Variants in GPC6 observed in about 807,000 individuals in gnomAD.
GPC6 encodes the protein glypican 6.
A neutral mutation model predicts 55.2 loss-of-function variants in GPC6; 14 were observed. That is an observed-to-expected ratio of 0.25 (90% CI 0.17 to 0.40). The LOEUF (loss-of-function observed/expected upper bound fraction) is 0.40. Among genes scored for constraint, GPC6 ranks in the 10% least tolerant of loss-of-function variants. The pLI is 1.00. For synonymous variants in GPC6, 278 were observed against 259.6 expected (o/e 1.07, Z -0.68); for missense variants, 641 against 708.5 (o/e 0.90, Z 1.08).
intron 4 of GPC6, among the ~76,000 whole-genome samples, chr13:94,096,318 G>A (rs1049613724): frequency 5.5e-5 from 8 of 146,222 alleles, no homozygotes; most frequent in East Asian, 1.9e-4. Flanking sequence ...GTTTCAGGAC[G>A]CTTTTTTTTT....
chr13:93,471,016 C>A (rs1879091159), intron 1 of GPC6, among the ~76,000 whole-genome samples: 1 of 152,042 alleles, frequency 6.6e-6, no homozygotes, highest in Non-Finnish European at 1.5e-5. Flanking sequence ...TAATCTGTGT[C>A]TCCTAAAGGT....
intron 3 of GPC6, among the ~76,000 whole-genome samples, chr13:93,880,733 A>G (rs940626204): frequency 1.3e-5 from 2 of 152,072 alleles, no homozygotes; most frequent in East Asian, 3.9e-4. Flanking sequence ...AAAATAAAAA[A>G]TCATCGAACC....
chr13:93,487,751 C>T (rs973574730), intron 1 of GPC6, among the ~76,000 whole-genome samples: 4 of 152,040 alleles, frequency 2.6e-5, no homozygotes, highest in Admixed American at 2.0e-4. Context: ...GAAGCAGTAA[C>T]GTGAAATCCG....
intron 1 of GPC6, among the ~76,000 whole-genome samples, chr13:93,450,387 C>T (rs1878179821): frequency 6.6e-6 from 1 of 152,200 alleles, no homozygotes; most frequent in African/African-American, 2.4e-5. Flanking sequence ...TCTGTAATCC[C>T]AAAGTGCTTT....
In GPC6 at chr13:94,250,333, A is replaced by C. The variant is rs1197841744; in HGVS notation, c.878-36016A>C. ...AAGAGATCAAATACAGTTGTGGAAA[A>C]GGCCTTAATAGAAGGTCTGTGTAGT... On this transcript the variant is annotated intron_variant, in intron 4 of 8. Coordinates refer to ENST00000377047, the MANE Select transcript of GPC6 (RefSeq NM_005708.5). Among the ~76,000 whole-genome samples, 4 of 152,138 alleles carry C rather than the reference A, an allele frequency of 2.6e-5. No homozygotes were observed. In the South Asian group the frequency reaches 6.2e-4, roughly 24 times the overall value.
chr13:93,766,795 G>A (rs2138886029), intron 2 of GPC6, among the ~76,000 whole-genome samples: 1 of 152,044 alleles, frequency 6.6e-6, no homozygotes, highest in Admixed American at 6.6e-5. Flanking sequence ...CATGTGACTG[G>A]CTTCATTCTC....
At chr13:94,346,526 G>T (rs1458969989) in intron 6 of GPC6, among the ~76,000 whole-genome samples, 1 of 152,018 alleles carries the variant, frequency 6.6e-6, no homozygotes, top group Non-Finnish European at 1.5e-5. Flanking sequence ...TTTGAGACCA[G>T]CCTGGCCAAC....
At chr13:94,305,890 G>A in intron 5 of GPC6, 90 bp from the exon 6 acceptor site, 1 of 1,199,526 alleles carries the variant, frequency 8.3e-7, no homozygotes, top group Non-Finnish European at 1.2e-6. Context: ...CATAAGAAAT[G>A]TGGACACCAT....
rs1412397078 is a variant in GPC6 at position 93,854,242 on chromosome 13, C to A, written c.711+23697C>A. Among the ~76,000 whole-genome samples, 4 of 151,614 alleles carry A rather than the reference C, an allele frequency of 2.6e-5. No homozygotes were observed. In the South Asian group the frequency reaches 8.3e-4, roughly 31 times the overall value. Reference sequence around the variant, plus strand: ...AACACTGAGTGAGCAGTTTGGGGAACAGCAATAATCTTTTTTCCTTCATCC... The same window carrying A: ...AACACTGAGTGAGCAGTTTGGGGAAAAGCAATAATCTTTTTTCCTTCATCC... On this transcript the variant is annotated intron_variant, in intron 3 of 8. Coordinates refer to ENST00000377047, the MANE Select transcript of GPC6 (RefSeq NM_005708.5).
rs1235240788 is a variant in GPC6, at chr13:93,545,320, A to G, written c.218A>G (p.Asp73Gly). Residue 73 changes from aspartate to glycine, a missense_variant, in exon 2 of 9, where the codon GAC becomes GGC. Asp to Gly is a moderately conservative substitution (Grantham distance 94). Coordinates refer to ENST00000377047, the MANE Select transcript of GPC6 (RefSeq NM_005708.5). ...EYTCCTTEME[D>G]KLSQQSKLEF... is the part of the protein sequence containing the mutation. ...ACATGCTGCACCACAGAAATGGAAGACAAGTTAAGCCAACAAAGCAAACTC... is the reference window on the plus strand; with the variant it reads ...ACATGCTGCACCACAGAAATGGAAGGCAAGTTAAGCCAACAAAGCAAACTC... 1.2e-6 allele frequency: 2 copies of G among 1,613,632 alleles called. No individual in the cohort carries two copies. The highest frequency in any genetic ancestry group is 1.7e-5 in the Admixed American group (1 of 60,004).
Position 94,403,831 on chromosome 13 carries a change from C to T in GPC6, c.*614C>T, listed in dbSNP as rs1333792389. ...CATCTTGCACTCTAACCAAACAACACCAAATTAATCTGGAGGTACTGATAC... is the reference window on the plus strand; with the variant it reads ...CATCTTGCACTCTAACCAAACAACATCAAATTAATCTGGAGGTACTGATAC... On this transcript the variant is annotated 3_prime_UTR_variant, in exon 9 of 9. Coordinates refer to ENST00000377047, the MANE Select transcript of GPC6 (RefSeq NM_005708.5). The T allele has an allele frequency of 1.2e-5, 2 of 160,618 alleles. No homozygotes were observed. The highest frequency in any genetic ancestry group is 5.8e-5 in the Admixed American group (1 of 17,178). 9.9% of individuals were successfully genotyped at this position (160,618 alleles called of 1,614,324 possible).
intron 1 of GPC6, among the ~76,000 whole-genome samples, chr13:93,453,708 G>A (rs973388281): frequency 1.3e-5 from 2 of 151,502 alleles, no homozygotes; most frequent in African/African-American, 4.9e-5. Flanking sequence ...AAGGCAGTGC[G>A]TCTGGAGTTG....
chr13:93,287,300 G>T (rs1250989106), intron 1 of GPC6, among the ~76,000 whole-genome samples: 1 of 152,178 alleles, frequency 6.6e-6, no homozygotes, highest in African/African-American at 2.4e-5. Flanking sequence ...AATGAGAACA[G>T]AGGATTCCAT....
At chr13:94,030,779 C>G (rs1166921957) in intron 4 of GPC6, among the ~76,000 whole-genome samples, 4 of 152,130 alleles carry the variant, frequency 2.6e-5, no homozygotes, top group Admixed American at 6.5e-5. Context: ...TATAATGTGC[C>G]TATCTAAAAT....
intron 3 of GPC6, among the ~76,000 whole-genome samples, chr13:93,842,478 A>G (rs1181075776): frequency 6.6e-6 from 1 of 152,116 alleles, no homozygotes; most frequent in Non-Finnish European, 1.5e-5. Flanking sequence ...TTATTTGTGC[A>G]GATTTTTTTT....
chr13:94,263,159 G>A (rs1566607897), intron 4 of GPC6, among the ~76,000 whole-genome samples: 1 of 152,208 alleles, frequency 6.6e-6, no homozygotes, highest in Admixed American at 6.5e-5. Context: ...ACAAGAGGAA[G>A]GGCAGCGTCC....
chr13:93,548,363 C>T (rs1874940929), intron 2 of GPC6, among the ~76,000 whole-genome samples: 1 of 152,090 alleles, frequency 6.6e-6, no homozygotes, highest in African/African-American at 2.4e-5. Context: ...TTATTAAGTA[C>T]AGCAGCAATT....
chr13:93,980,657 C>G (rs1594639370), intron 3 of GPC6, among the ~76,000 whole-genome samples: 2 of 152,286 alleles, frequency 1.3e-5, no homozygotes, highest in Admixed American at 1.3e-4. Context: ...TTTTCCTTCT[C>G]CTGTCTCCAG....
At chr13:93,573,395 G>C (rs1876504404) in intron 2 of GPC6, among the ~76,000 whole-genome samples, 1 of 151,984 alleles carries the variant, frequency 6.6e-6, no homozygotes. Flanking sequence ...TTTTAGCAAT[G>C]GTTGTATTTG....
Sources: gnomAD v4.1 joint callset for allele counts (sites outside exome capture counted in the v4.1 genomes callset) on GRCh38, gnomAD v4.1.1 for gene constraint, MANE v1.5 for transcripts, NCBI Gene and HGNC (gene_info 2026-07-23, HGNC 2026-07-21) for gene names.